SPIN1: variants seen among roughly 807,000 people sequenced by gnomAD.
The protein encoded by SPIN1 is spindlin 1.
Under a neutral mutation model 26.0 loss-of-function variants are expected in SPIN1, and 3 were observed. That is an observed-to-expected ratio of 0.12 (90% CI 0.05 to 0.30). The LOEUF (loss-of-function observed/expected upper bound fraction) is 0.30, where lower values mean the gene tolerates loss of function less well. Among genes scored for constraint, SPIN1 ranks in the 10% least tolerant of loss-of-function variants. The probability of loss-of-function intolerance (pLI) is 1.00; values close to 1 mark genes in which losing one functional copy is unlikely to be tolerated. For missense variants in SPIN1, 126 were observed against 333.4 expected (o/e 0.38, Z 4.84); for synonymous variants, 101 against 116.5 (o/e 0.87, Z 0.86).
intron 2 of SPIN1, among the ~76,000 whole-genome samples, chr9:88,437,949 C>G (rs1426513183): frequency 6.6e-6 from 1 of 151,948 alleles, no homozygotes; most frequent in East Asian, 1.9e-4. Context: ...GCCAGGAGTT[C>G]AAGACCAGCC....
intron 2 of SPIN1, among the ~76,000 whole-genome samples, chr9:88,447,764 A>G (rs550976795): frequency 9.9e-5 from 15 of 152,158 alleles, no homozygotes; most frequent in East Asian, 1.9e-4. Context: ...ACCCTTCCCA[A>G]CGCTACACTG....
chr9:88,439,076 TAAAACACAC>T (rs971264978), intron 2 of SPIN1, among the ~76,000 whole-genome samples: 3 of 152,138 alleles, frequency 2.0e-5, no homozygotes, highest in African/African-American at 4.8e-5. Context: ...CCTAAAAAAA[TAAAACACAC>T]AAAACACAGA....
chr9:88,471,041 C>G (rs1564046149), intron 5 of SPIN1, among the ~76,000 whole-genome samples: 1 of 152,118 alleles, frequency 6.6e-6, no homozygotes, highest in East Asian at 1.9e-4. Flanking sequence ...AATGTTTTCT[C>G]CTATTCCATG....
chr9:88,436,001 C>T (rs906026987), intron 2 of SPIN1, among the ~76,000 whole-genome samples: 9 of 152,172 alleles, frequency 5.9e-5, no homozygotes, highest in Admixed American at 5.2e-4. Flanking sequence ...AATGTATATA[C>T]TGTCAGTTAA....
At chr9:88,391,972 A>G (rs928754001) in intron 1 of SPIN1, 1 of 152,278 alleles carries the variant, frequency 6.6e-6, no homozygotes, top group African/African-American at 2.4e-5. Context: ...AAACTCCAGC[A>G]AATATTGGTG....
chr9:88,426,478 T>C lies in SPIN1; in HGVS notation c.-62T>C, dbSNP rs969886640. On this transcript the variant is annotated 5_prime_UTR_variant, in exon 2 of 6. Transcript: ENST00000375859. ...CTAACATTCTGTGAAAAGTTTCAAA[T>C]TGGAGAATATTGAATTTTCACCCTA... 2.3e-5 allele frequency: 32 copies of C among 1,382,910 alleles called. No homozygotes were observed. In the South Asian group the frequency reaches 3.5e-4, roughly 15 times the overall value. 85.7% of individuals were successfully genotyped at this position (1,382,910 alleles called of 1,614,324 possible).
intron 1 of SPIN1, among the ~76,000 whole-genome samples, chr9:88,422,570 C>G (rs1827689960): frequency 6.6e-6 from 1 of 152,164 alleles, no homozygotes; most frequent in Admixed American, 6.5e-5. Context: ...TCTGTCTCTG[C>G]ATTTCTTTCT....
intron 2 of SPIN1, among the ~76,000 whole-genome samples, chr9:88,447,873 TC>T: frequency 6.6e-6 from 1 of 152,286 alleles, no homozygotes; most frequent in East Asian, 1.9e-4. Flanking sequence ...TATGCAGGGT[TC>T]TCGTGTGTGT....
chr9:88,392,896 A>G (rs1300012012), intron 1 of SPIN1, among the ~76,000 whole-genome samples: 3 of 152,164 alleles, frequency 2.0e-5, no homozygotes, highest in Non-Finnish European at 4.4e-5. Flanking sequence ...CCACCTTTTA[A>G]ATTCTGCATG....
At chr9:88,399,597 G>A (rs919547217) in intron 1 of SPIN1, among the ~76,000 whole-genome samples, 3 of 152,108 alleles carry the variant, frequency 2.0e-5, no homozygotes, top group Non-Finnish European at 4.4e-5. Flanking sequence ...TGGAGTGGAT[G>A]CAGCTGCAAT....
At chr9:88,459,212 G>A (rs1191375474) in intron 3 of SPIN1, among the ~76,000 whole-genome samples, 1 of 152,126 alleles carries the variant, frequency 6.6e-6, no homozygotes, top group East Asian at 1.9e-4. Flanking sequence ...TAACTCATTG[G>A]ATCTTTGGCT....
intron 5 of SPIN1, among the ~76,000 whole-genome samples, chr9:88,469,935 A>G (rs1439875992): frequency 6.6e-6 from 1 of 152,196 alleles, no homozygotes; most frequent in Non-Finnish European, 1.5e-5. Context: ...GAACATTGTC[A>G]TCACCTCAAA....
At chr9:88,396,803 A>G (rs1036992747) in intron 1 of SPIN1, among the ~76,000 whole-genome samples, 1 of 152,126 alleles carries the variant, frequency 6.6e-6, no homozygotes, top group Non-Finnish European at 1.5e-5. Context: ...CTAGGCACCT[A>G]GGCTATGTAA....
chr9:88,406,906 G>A (rs1385849906), intron 1 of SPIN1, among the ~76,000 whole-genome samples: 1 of 151,718 alleles, frequency 6.6e-6, no homozygotes, highest in Admixed American at 6.6e-5. Flanking sequence ...TGTCATTATT[G>A]CATTGTTTTA....
chr9:88,408,348 T>C (rs1827354400), intron 1 of SPIN1, among the ~76,000 whole-genome samples: 1 of 145,344 alleles, frequency 6.9e-6, no homozygotes, highest in South Asian at 2.2e-4. Flanking sequence ...CTGGATATTT[T>C]TGTTTTGGTT....
chr9:88,431,318 A>AG (rs1283543159), intron 2 of SPIN1, among the ~76,000 whole-genome samples: 2 of 150,842 alleles, frequency 1.3e-5, no homozygotes, highest in Non-Finnish European at 2.9e-5. Flanking sequence ...TGGAGTCTCA[A>AG]GAGCTCTGTC....
chr9:88,414,102 G>C (rs1336209022), intron 1 of SPIN1, among the ~76,000 whole-genome samples: 10 of 152,100 alleles, frequency 6.6e-5, no homozygotes, highest in Admixed American at 2.6e-4. Flanking sequence ...GAAGGTCTCA[G>C]ATATGAAGTG....
At chr9:88,473,527 T>C (rs958585396) in intron 5 of SPIN1, among the ~76,000 whole-genome samples, 1 of 152,230 alleles carries the variant, frequency 6.6e-6, no homozygotes, top group African/African-American at 2.4e-5. Context: ...CATTTTTTTA[T>C]AGATAAATAG....
At chr9:88,389,459 A>G (rs1452807202) in intron 1 of SPIN1, 1 of 152,200 alleles carries the variant, frequency 6.6e-6, no homozygotes, top group African/African-American at 2.4e-5. Context: ...ACGCATTTCA[A>G]AGTTTGTTTA....
Sources: allele counts gnomAD v4.1 joint callset (sites outside exome capture counted in the v4.1 genomes callset), GRCh38; gene constraint gnomAD v4.1.1; transcripts MANE v1.5; gene names NCBI Gene and HGNC (gene_info 2026-07-23, HGNC 2026-07-21).